Variants in DYRK1B observed in about 807,000 individuals in gnomAD.
DYRK1B encodes dual specificity tyrosine-phosphorylation-regulated kinase 1B.
In DYRK1B, 20 loss-of-function variants were observed where a neutral mutation model predicts 57.1. The observed-to-expected ratio is 0.35, with a 90% confidence interval of 0.25 to 0.51. The LOEUF is 0.51. DYRK1B is among the 20% of genes least tolerant of loss of function. The pLI is 0.96. For synonymous variants in DYRK1B, 409 were observed against 384.7 expected, an observed-to-expected ratio of 1.06 and a Z score of -0.74; for missense variants, 732 against 886.3, an observed-to-expected ratio of 0.83 and a Z score of 2.21.
chr19:39,825,523 G>C lies in DYRK1B; in HGVS notation c.*192C>G. On this transcript the variant is annotated 3_prime_UTR_variant, in exon 11 of 11. Transcript: ENST00000323039. ...AGGGGGAGAGGGGCCCAAGGGTCCA[G>C]TCCTTAGTGGGGAGGGAGCGGCCAA... 3.3e-6 allele frequency: 2 copies of C among 607,052 alleles called. No individual in the cohort carries two copies. Among genetic ancestry groups the C allele is most frequent in the Admixed American group, 3.0e-5 (1 of 33,236 alleles). 37.6% of individuals were successfully genotyped at this position (607,052 alleles called of 1,614,324 possible).
Position 39,825,638 on chromosome 19 carries a change from G to A in DYRK1B, c.*77C>T. The A allele has an allele frequency of 7.0e-7, 1 of 1,426,170 alleles. No individual in the cohort carries two copies. Among genetic ancestry groups the A allele is most frequent in the Non-Finnish European group, 9.5e-7 (1 of 1,049,496 alleles). 88.3% of individuals were successfully genotyped at this position (1,426,170 alleles called of 1,614,324 possible). A position where few individuals can be genotyped will look rare whatever the true frequency, so the allele number is the denominator to read the frequency against. On this transcript the variant is annotated 3_prime_UTR_variant, in exon 11 of 11. Transcript: ENST00000323039. ...GTAGCAGCAATTCCAGTCAAGGAGA[G>A]AGATGAGGATGGGAGCCCAGGGCCC...
Position 39,830,460 on chromosome 19 carries a change from T to C in DYRK1B, c.287A>G (p.Asn96Ser), listed in dbSNP as rs1968754568. ...GCCACTGCGCACGATGTAGTCATGG[T>C]TGTCGTCATCATAACCATGGTTCAG... ...KVLNHGYDDDNHDYIVRSGER... is the reference protein window; with the variant it reads ...KVLNHGYDDDSHDYIVRSGER... Residue 96 changes from asparagine (N) to serine (S), a missense_variant, in exon 4 of 11, where the codon AAC becomes AGC. Around this residue, in one of 2 missense-constraint regions of DYRK1B, gnomAD observed 510 missense variants for 681.3 expected, o/e 0.75. Transcript: ENST00000323039. 1.1e-5 allele frequency: 17 copies of C among 1,614,136 alleles called. No homozygotes were observed. Among genetic ancestry groups the C allele is most frequent in the African/African-American group, 2.7e-5 (2 of 74,950 alleles).
chr19:39,826,096 C>T lies in DYRK1B; in HGVS notation c.1519-10G>A, dbSNP rs958269916. The stretch of plus-strand genomic sequence containing the variant: ...GCTGGGAGGGTGGGACCTAAAAAAG[C>T]AAAGGAGCCATGGGTGATGGAGACC... On this transcript the variant is annotated splice_polypyrimidine_tract_variant and intron_variant, in intron 10 of 10. Coordinates refer to ENST00000323039, the MANE Select transcript of DYRK1B (RefSeq NM_004714.3). This position sits in a 1 kb window ranked among gnomAD's most constrained non-coding sequence, Gnocchi z 6.3. 2 of 1,529,616 alleles carry T rather than the reference C, an allele frequency of 1.3e-6. No homozygotes were observed. The highest frequency in any genetic ancestry group is 2.2e-5 in the Admixed American group (1 of 44,930). The allele number at this position is 1,529,616 out of a possible 1,614,324, so 94.8% of individuals were successfully genotyped here.
Position 39,830,710 on chromosome 19 carries a change from C to A in DYRK1B, c.137G>T (p.Arg46Leu). The change falls in exon 3 of 11, where the codon CGT (arginine) becomes CTT (leucine). Residue 46 changes from arginine to leucine, a missense_variant. By Grantham distance (102) the Arg-to-Leu change is moderately radical. Coordinates refer to ENST00000323039, the MANE Select transcript of DYRK1B (RefSeq NM_004714.3). ...AFRDATSAPL[R>L]KLSVDLIKTY... ...CTTGATGAGGTCCACAGAGAGCTTACGCAGCGGGGCTGAGGTTGCATCCCG... is the reference window on the plus strand; with the variant it reads ...CTTGATGAGGTCCACAGAGAGCTTAAGCAGCGGGGCTGAGGTTGCATCCCG... 6.2e-7 allele frequency: 1 copy of A among 1,614,144 alleles called. No individual in the cohort carries two copies. The highest frequency in any genetic ancestry group is 8.5e-7 in the Non-Finnish European group (1 of 1,180,026).
Position 39,827,003 on chromosome 19 carries a change from T to TGG in DYRK1B, c.1096-18_1096-17dup, listed in dbSNP as rs990447781. On this transcript the variant is annotated splice_polypyrimidine_tract_variant and intron_variant, in intron 8 of 10. Transcript: ENST00000323039. ...CCTGGTAATCCTGGCAGGGAGGGGG[T>TGG]GGGAGGGGGGGCAAGAGAGTGGCCG... The TGG allele has an allele frequency of 3.2e-5, 4 of 125,276 alleles. No homozygotes were observed. Among genetic ancestry groups the TGG allele is most frequent in the African/African-American group, 1.3e-4 (1 of 7,412 alleles). The allele number at this position is 125,276 out of a possible 1,614,324, so 7.8% of individuals were successfully genotyped here.
chr19:39,828,504 G>A lies in DYRK1B; in HGVS notation c.600C>T (p.Leu200=). The A allele has an allele frequency of 6.2e-7, 1 of 1,613,758 alleles. No homozygotes were observed. The highest frequency in any genetic ancestry group is 8.5e-7 in the Non-Finnish European group (1 of 1,179,884). ...FELLSYNLYD[L]LRNTHFRGVS... ...CGCCGCGGAAGTGGGTGTTGCGCAGGAGGTCGTACAGGTTGTAGGACAGCA... is the reference window on the plus strand; with the variant it reads ...CGCCGCGGAAGTGGGTGTTGCGCAGAAGGTCGTACAGGTTGTAGGACAGCA... Residue 200 remains leucine (L), a synonymous_variant, in exon 6 of 11, where the codon CTC becomes CTT. Coordinates refer to ENST00000323039, the MANE Select transcript of DYRK1B (RefSeq NM_004714.3). The surrounding 1 kb of genome is among the most constrained non-coding windows in gnomAD (Gnocchi z 4.3).
rs1004710442 is a variant in DYRK1B, at chr19:39,833,293, C to A, written c.-102+730G>T. On this transcript the variant is annotated intron_variant, in intron 1 of 10. Transcript: ENST00000323039. Reference sequence around the variant, plus strand: ...CGGGTCAGGGCTGGCGCGGGGCCCACGGGGGGCTGGGGCGCGGTGGGGCCC... The same window carrying A: ...CGGGTCAGGGCTGGCGCGGGGCCCAAGGGGGGCTGGGGCGCGGTGGGGCCC... 19 of 985,300 alleles carry A rather than the reference C, an allele frequency of 1.9e-5. No homozygotes were observed. In the African/African-American group the frequency reaches 3.1e-4, roughly 16 times the overall value. The allele number at this position is 985,300 out of a possible 1,614,324, so 61.0% of individuals were successfully genotyped here.
intron 1 of DYRK1B, chr19:39,833,443 A>G: frequency 4.1e-6 from 3 of 731,916 alleles, no homozygotes; most frequent in Non-Finnish European, 5.0e-6. Context: ...GGTGGGTGAC[A>G]ACAGCAGCCG....
At chr19:39,827,044 G>T in intron 8 of DYRK1B, 57 bp from the exon 9 acceptor site, 1 of 1,336,874 alleles carries the variant, frequency 7.5e-7, no homozygotes, top group South Asian at 1.5e-5. Context: ...GGGCAGGAGG[G>T]GCAGGGAGAC....
rs1330873370 is a variant in DYRK1B, at chr19:39,830,202, CTTATG to C, written c.372+168_372+172del. The C allele has an allele frequency of 3.8e-5, 43 of 1,133,872 alleles. 3 individuals are homozygous for C. In the South Asian group the frequency reaches 5.3e-4, roughly 14 times the overall value. 70.2% of individuals were successfully genotyped at this position (1,133,872 alleles called of 1,614,324 possible). A position where few individuals can be genotyped will look rare whatever the true frequency, so the allele number is the denominator to read the frequency against. ...ACTGGATGTGAAATAACATAACGAC[CTTATG>C]TTGAGTCTTGTTATTTAAACTGTTT... is the stretch of plus-strand genomic sequence containing the variant. On this transcript the variant is annotated intron_variant, in intron 4 of 10. Coordinates refer to ENST00000323039, the MANE Select transcript of DYRK1B (RefSeq NM_004714.3).
At chr19:39,833,401 G>C in intron 1 of DYRK1B, 1 of 973,066 alleles carries the variant, frequency 1.0e-6, no homozygotes. Context: ...GGCCGGCCCC[G>C]CGGCGGGGAG....
At chr19:39,833,419 G>C (rs866126171) in intron 1 of DYRK1B, 2 of 914,946 alleles carry the variant, frequency 2.2e-6, no homozygotes, top group South Asian at 5.0e-5. Context: ...GAGGGCAAGC[G>C]GGACAGGAGG....
intron 1 of DYRK1B, among the ~76,000 whole-genome samples, chr19:39,832,442 C>G (rs1968861532): frequency 6.6e-6 from 1 of 152,128 alleles, no homozygotes; most frequent in African/African-American, 2.4e-5. Context: ...CAGCCCGTAG[C>G]ACAGCCAGGG....
Position 39,829,939 on chromosome 19 carries a change from A to G in DYRK1B, c.461T>C (p.Ile154Thr). 1.2e-6 allele frequency: 2 copies of G among 1,614,104 alleles called. No homozygotes were observed. The highest frequency in any genetic ancestry group is 1.7e-6 in the Non-Finnish European group (2 of 1,180,018). ...NKKAFLNQAQIELRLLELMNQ... is the reference protein window; with the variant it reads ...NKKAFLNQAQTELRLLELMNQ... ...CATCAGCTCCAGCAGCCGCAGCTCA[A>G]TCTGGGCCTGGTTCAGGAAAGCCTT... The change falls in exon 5 of 11, where the codon ATT (isoleucine) becomes ACT (threonine). Residue 154 changes from isoleucine (I) to threonine (T), a missense_variant. Physicochemically the swap from Ile to Thr is moderately conservative, Grantham distance 89. Coordinates refer to ENST00000323039, the MANE Select transcript of DYRK1B (RefSeq NM_004714.3).
rs762392475 is a variant in DYRK1B, at chr19:39,826,814, C to A, written c.1269G>T (p.Leu423=). The part of the protein sequence containing the change: ...EYEPAARISP[L]GALQHGFFRR... ...GGAAGAAGCCGTGCTGCAGAGCCCC[C>A]AGGGGGCTGATGCGGGCGGCGGGCT... The change falls in exon 9 of 11, where the codon CTG becomes CTT. Residue 423 remains leucine, a synonymous_variant. Transcript: ENST00000323039. This position sits in a 1 kb window ranked among gnomAD's most constrained non-coding sequence, Gnocchi z 6.3. The A allele has an allele frequency of 9.9e-6, 15 of 1,520,534 alleles. No homozygotes were observed. In the South Asian group the frequency reaches 1.6e-4, roughly 16 times the overall value. 94.2% of individuals were successfully genotyped at this position (1,520,534 alleles called of 1,614,324 possible).
At position 39,825,776 on chromosome 19, in the gene DYRK1B, G is replaced by A. The variant is rs1190329833; in HGVS notation, c.1829C>T (p.Ala610Val). Residue 610 changes from alanine (A) to valine (V), a missense_variant, in exon 11 of 11, where the codon GCC becomes GTC. Physicochemically the swap from Ala to Val is moderately conservative, Grantham distance 64. Transcript: ENST00000323039. The part of the protein sequence containing the change: ...RPPLPPPDDP[A>V]TLGPHLGLRG... ...GAGGCCCAGGTGAGGCCCCAGAGTGGCAGGGTCATCAGGAGGCGGGAGGGG... is the reference window on the plus strand; with the variant it reads ...GAGGCCCAGGTGAGGCCCCAGAGTGACAGGGTCATCAGGAGGCGGGAGGGG... 1 of 1,572,070 alleles carries A rather than the reference G, an allele frequency of 6.4e-7. No individual in the cohort carries two copies. The highest frequency in any genetic ancestry group is 8.6e-7 in the Non-Finnish European group (1 of 1,159,892).
chr19:39,833,752 A>G, intron 1 of DYRK1B: 1 of 152,418 alleles, frequency 6.6e-6, no homozygotes, highest in Non-Finnish European at 1.5e-5. Flanking sequence ...TAGGCGACGA[A>G]GAAGCGGCCC....
rs758978709 is a variant in DYRK1B at position 39,826,835 on chromosome 19, G to A, written c.1248C>T (p.Pro416=). 1.2e-5 allele frequency: 18 copies of A among 1,485,826 alleles called. No homozygotes were observed. The highest frequency in any genetic ancestry group is 1.8e-4 in the Middle Eastern group (1 of 5,700). The allele number at this position is 1,485,826 out of a possible 1,614,324, so 92.0% of individuals were successfully genotyped here. ...DLVLRMLEYE[P]AARISPLGAL... ...CCCCCAGGGGGCTGATGCGGGCGGC[G>A]GGCTCATACTCCAGCATGCGCAGCA... Residue 416 remains proline, a synonymous_variant, in exon 9 of 11, where the codon CCC becomes CCT. Transcript: ENST00000323039. This position sits in a 1 kb window ranked among gnomAD's most constrained non-coding sequence, Gnocchi z 6.3.
chr19:39,825,796 G>A lies in DYRK1B; in HGVS notation c.1809C>T (p.Leu603=). Residue 603 remains leucine, a synonymous_variant, in exon 11 of 11, where the codon CTC becomes CTT. Coordinates refer to ENST00000323039, the MANE Select transcript of DYRK1B (RefSeq NM_004714.3). ...GAGTGGCAGGGTCATCAGGAGGCGGGAGGGGTGGACGACCTCCAGTCATCC... is the reference window on the plus strand; with the variant it reads ...GAGTGGCAGGGTCATCAGGAGGCGGAAGGGGTGGACGACCTCCAGTCATCC... ...RTRMTGGRPP[L]PPPDDPATLG... is the part of the protein sequence containing the mutation. 1 of 1,583,120 alleles carries A rather than the reference G, an allele frequency of 6.3e-7. No individual in the cohort carries two copies. The highest frequency in any genetic ancestry group is 8.6e-7 in the Non-Finnish European group (1 of 1,165,998).
Sources: gnomAD v4.1 joint callset for allele counts (sites outside exome capture counted in the v4.1 genomes callset) on GRCh38, gnomAD v4.1.1 for gene constraint, gnomAD v4.1.1 regional missense constraint, Gnocchi (gnomAD v3.1) non-coding constraint, MANE v1.5 for transcripts, NCBI Gene and HGNC (gene_info 2026-07-23, HGNC 2026-07-21) for gene names.